RHD: variants seen among roughly 807,000 people sequenced by gnomAD.
The protein encoded by RHD is blood group Rh(D) polypeptide.
A neutral mutation model predicts 45.5 loss-of-function variants in RHD; 16 were observed. The ratio of observed to expected loss-of-function variants is 0.35; its 90% CI spans 0.24 to 0.53. RHD has a LOEUF of 0.53. Ranked by LOEUF, RHD falls within the 20% of genes least tolerant of loss-of-function variation. The pLI, the probability that RHD is intolerant of heterozygous loss-of-function variation, is 0.92. For synonymous variants in RHD, 131 were observed against 217.5 expected, an observed-to-expected ratio of 0.60 and a Z score of 3.50; for missense variants, 306 against 532.0, an observed-to-expected ratio of 0.58 and a Z score of 4.18.
intron 2 of RHD, among the ~76,000 whole-genome samples, chr1:25,285,622 G>T (rs28368215): frequency 0.02 from 2,689 of 135,124 alleles, 386 homozygotes; most frequent in African/African-American, 0.063. Flanking sequence ...GCAGGAGGTG[G>T]ATATTGATTA....
rs558113625 is a variant in RHD at position 25,289,848 on chromosome 1, T to A, written c.336-793T>A. ...ATTTTTTTTTTTTTTGGATCATAAG[T>A]ATCTTCAAGACCAAAATAATTTTCT... is the stretch of plus-strand genomic sequence containing the variant. On this transcript the variant is annotated intron_variant, in intron 2 of 9. Coordinates refer to ENST00000328664, the MANE Select transcript of RHD (RefSeq NM_016124.6). Among the ~76,000 whole-genome samples the A allele has an allele frequency of 3.8e-4, 48 of 127,300 alleles. 8 individuals carry two copies. The highest frequency in any genetic ancestry group is 7.4e-4 in the Non-Finnish European group (40 of 54,240). The allele number at this position is 127,300 out of a possible 152,430, so 83.5% of individuals were successfully genotyped here.
At chr1:25,302,483 A>C (rs1643464663) in intron 5 of RHD, among the ~76,000 whole-genome samples, 1 of 129,810 alleles carries the variant, frequency 7.7e-6, no homozygotes, top group Non-Finnish European at 1.8e-5. Context: ...CATGAGTTCC[A>C]TGGTGACAGA....
Position 25,297,346 on chromosome 1 carries a change from G to A in RHD, c.487-3600G>A, listed in dbSNP as rs548922085. ...TGCTATCAATTTGCCCCATTACTGGGTGTGTTAACTGTGATCATTGGGTTA... is the reference window on the plus strand; with the variant it reads ...TGCTATCAATTTGCCCCATTACTGGATGTGTTAACTGTGATCATTGGGTTA... On this transcript the variant is annotated intron_variant, in intron 3 of 9. Transcript: ENST00000328664. Among the ~76,000 whole-genome samples, 128 of 98,090 alleles carry A rather than the reference G, an allele frequency of 1.3e-3. 10 individuals carry two copies. Among genetic ancestry groups the A allele is most frequent in the African/African-American group, 4.1e-3 (119 of 29,268 alleles). 64.4% of individuals were successfully genotyped at this position (98,090 alleles called of 152,430 possible).
chr1:25,274,955 C>G lies in RHD; in HGVS notation c.148+2260C>G, dbSNP rs1364265077. 1.5e-5 allele frequency among the ~76,000 whole-genome samples: 2 copies of G among 131,326 alleles called. 1 individual carries two copies. The highest frequency in any genetic ancestry group is 1.5e-4 in the Admixed American group (2 of 13,484). The allele number at this position is 131,326 out of a possible 152,430, so 86.2% of individuals were successfully genotyped here. A position where few individuals can be genotyped will look rare whatever the true frequency, so the allele number is the denominator to read the frequency against. The stretch of plus-strand genomic sequence containing the variant: ...AGAGTGAGACTTCATCTCAAAAAAC[C>G]AAACAACAAAAACAACAACAAGAAC... On this transcript the variant is annotated intron_variant, in intron 1 of 9. Coordinates refer to ENST00000328664, the MANE Select transcript of RHD (RefSeq NM_016124.6).
At position 25,301,719 on chromosome 1, in the gene RHD, G is replaced by A; in HGVS notation, c.801+33G>A. The A allele has an allele frequency of 1.5e-6, 2 of 1,344,574 alleles. 1 individual carries two copies. The highest frequency in any genetic ancestry group is 2.1e-6 in the Non-Finnish European group (2 of 947,964). The allele number at this position is 1,344,574 out of a possible 1,614,324, so 83.3% of individuals were successfully genotyped here. A position where few individuals can be genotyped will look rare whatever the true frequency, so the allele number is the denominator to read the frequency against. Reference sequence around the variant, plus strand: ...GGGCGCTGCCCTTGGGCAGCACTTGGGTCTAACAGGACTAGCACACATATT... The same window carrying A: ...GGGCGCTGCCCTTGGGCAGCACTTGAGTCTAACAGGACTAGCACACATATT... On this transcript the variant is annotated intron_variant, in intron 5 of 9. Coordinates refer to ENST00000328664, the MANE Select transcript of RHD (RefSeq NM_016124.6).
chr1:25,313,110 T>G (rs941701613), intron 7 of RHD, among the ~76,000 whole-genome samples: 1 of 126,276 alleles, frequency 7.9e-6, no homozygotes, highest in African/African-American at 2.7e-5. Flanking sequence ...GTGAAGCCTT[T>G]GGGAGGTAAC....
chr1:25,307,001 C>T lies in RHD; in HGVS notation c.1073+272C>T, dbSNP rs1290967288. ...CTTTTGTGATCCCACAAACACAGAG[C>T]AGGTCAAATAGGCCCAAGCCAATTG... is the stretch of plus-strand genomic sequence containing the variant. On this transcript the variant is annotated intron_variant, in intron 7 of 9. Transcript: ENST00000328664. 1.7e-5 allele frequency: 7 copies of T among 402,750 alleles called. 1 individual carries two copies. The highest frequency in any genetic ancestry group is 3.6e-5 in the Non-Finnish European group (7 of 195,456). The allele number at this position is 402,750 out of a possible 1,614,324, so 24.9% of individuals were successfully genotyped here.
At chr1:25,303,752 C>T (rs1469558852) in intron 6 of RHD, among the ~76,000 whole-genome samples, 1 of 130,768 alleles carries the variant, frequency 7.6e-6, no homozygotes, top group East Asian at 2.0e-4. Flanking sequence ...TGTGGGGAGC[C>T]CCGAAGCCCC....
chr1:25,296,743 T>C (rs1314527152), intron 3 of RHD, among the ~76,000 whole-genome samples: 1 of 123,828 alleles, frequency 8.1e-6, no homozygotes, highest in African/African-American at 2.7e-5. Context: ...CCTCTCTCTC[T>C]TTCTCTCTCT....
At position 25,299,134 on chromosome 1, in the gene RHD, C is replaced by T. The variant is rs192683185; in HGVS notation, c.487-1812C>T. ...CAGTGGCTCATGCCTGTAATCCCAGCGCTTTGGGAGGCCAAGGCGGATGGA... is the reference window on the plus strand; with the variant it reads ...CAGTGGCTCATGCCTGTAATCCCAGTGCTTTGGGAGGCCAAGGCGGATGGA... On this transcript the variant is annotated intron_variant, in intron 3 of 9. Transcript: ENST00000328664. 2.5e-3 allele frequency among the ~76,000 whole-genome samples: 310 copies of T among 123,842 alleles called. 38 individuals carry two copies. Among genetic ancestry groups the T allele is most frequent in the African/African-American group, 8.0e-3 (289 of 36,012 alleles). 81.2% of individuals were successfully genotyped at this position (123,842 alleles called of 152,430 possible). A position where few individuals can be genotyped will look rare whatever the true frequency, so the allele number is the denominator to read the frequency against.
At chr1:25,275,890 C>T (rs1640918040) in intron 1 of RHD, among the ~76,000 whole-genome samples, 2 of 132,024 alleles carry the variant, frequency 1.5e-5, no homozygotes, top group Admixed American at 1.5e-4. Flanking sequence ...TTTCACTCTG[C>T]CTTTTCCCTT....
rs1443056447 is a variant in RHD, at chr1:25,292,750, A to G, written c.486+1959A>G. On this transcript the variant is annotated intron_variant, in intron 3 of 9. Coordinates refer to ENST00000328664, the MANE Select transcript of RHD (RefSeq NM_016124.6). The stretch of plus-strand genomic sequence containing the variant: ...GTGGAAAGGTTAGGGCTAGGGATAT[A>G]AATTTGGGAGTTGTTACAATACAGA... Among the ~76,000 whole-genome samples, 2 of 124,578 alleles carry G rather than the reference A, an allele frequency of 1.6e-5. 1 individual carries two copies. The highest frequency in any genetic ancestry group is 3.8e-5 in the Non-Finnish European group (2 of 52,660). The allele number at this position is 124,578 out of a possible 152,430, so 81.7% of individuals were successfully genotyped here.
chr1:25,292,681 T>C (rs1354312461), intron 3 of RHD, among the ~76,000 whole-genome samples: 2 of 128,106 alleles, frequency 1.6e-5, no homozygotes, highest in African/African-American at 5.3e-5. Flanking sequence ...GTATGAAACA[T>C]CCCAGTGGAG....
In RHD at chr1:25,290,141, A is replaced by G. The variant is rs1022197533; in HGVS notation, c.336-500A>G. The stretch of plus-strand genomic sequence containing the variant: ...GGAAGCCGGGCTTGTCCTGATTCCA[A>G]ATCCAGTTTCTTTCCACTGCCACGG... On this transcript the variant is annotated intron_variant, in intron 2 of 9. Coordinates refer to ENST00000328664, the MANE Select transcript of RHD (RefSeq NM_016124.6). Among the ~76,000 whole-genome samples the G allele has an allele frequency of 4.6e-5, 6 of 129,252 alleles. 1 individual carries two copies. The highest frequency in any genetic ancestry group is 9.1e-5 in the Non-Finnish European group (5 of 55,084). The allele number at this position is 129,252 out of a possible 152,430, so 84.8% of individuals were successfully genotyped here. A position where few individuals can be genotyped will look rare whatever the true frequency, so the allele number is the denominator to read the frequency against.
Position 25,301,045 on chromosome 1 carries a change from G to C in RHD, c.586G>C (p.Glu196Gln). The C allele has an allele frequency of 7.3e-7, 1 of 1,377,766 alleles. No homozygotes were observed. The highest frequency in any genetic ancestry group is 1.0e-6 in the Non-Finnish European group (1 of 978,542). The allele number at this position is 1,377,766 out of a possible 1,614,324, so 85.3% of individuals were successfully genotyped here. ...GCCAAAGCCTCTACCCGAGGGAACG[G>C]AGGATAAAGATCAGACAGCAACGAT... ...CLPKPLPEGT[E>Q]DKDQTATIPS... The change falls in exon 4 of 10, where the codon GAG becomes CAG. Residue 196 changes from glutamate (E) to glutamine (Q), a missense_variant. Physicochemically the swap from Glu to Gln is conservative, Grantham distance 29. Transcript: ENST00000328664.
At position 25,287,048 on chromosome 1, in the gene RHD, G is replaced by A. The variant is rs1389504464; in HGVS notation, c.335+2289G>A. Among the ~76,000 whole-genome samples, 4 of 135,038 alleles carry A rather than the reference G, an allele frequency of 3.0e-5. 1 individual carries two copies. The highest frequency in any genetic ancestry group is 5.3e-5 in the Non-Finnish European group (3 of 56,932). The allele number at this position is 135,038 out of a possible 152,430, so 88.6% of individuals were successfully genotyped here. On this transcript the variant is annotated intron_variant, in intron 2 of 9. Coordinates refer to ENST00000328664, the MANE Select transcript of RHD (RefSeq NM_016124.6). ...GCGGAGGCTATAGTGAGCCGAGATCGCACCATTGCACTGTAGCCTGGGCGA... is the reference window on the plus strand; with the variant it reads ...GCGGAGGCTATAGTGAGCCGAGATCACACCATTGCACTGTAGCCTGGGCGA...
rs192788583 is a variant in RHD, at chr1:25,306,340, C to G, written c.940-256C>G. Among the ~76,000 whole-genome samples the G allele has an allele frequency of 2.3e-3, 305 of 131,864 alleles. 47 individuals are homozygous for G. Among genetic ancestry groups the G allele is most frequent in the African/African-American group, 7.4e-3 (285 of 38,388 alleles). 86.5% of individuals were successfully genotyped at this position (131,864 alleles called of 152,430 possible). Reference sequence around the variant, plus strand: ...GCTACTCATAGTGTGGTCCGTAGACCAGCAGCATTGGCATCACCTGGGACC... The same window carrying G: ...GCTACTCATAGTGTGGTCCGTAGACGAGCAGCATTGGCATCACCTGGGACC... On this transcript the variant is annotated intron_variant, in intron 6 of 9. Coordinates refer to ENST00000328664, the MANE Select transcript of RHD (RefSeq NM_016124.6).
intron 7 of RHD, among the ~76,000 whole-genome samples, chr1:25,316,560 C>T (rs1179358453): frequency 2.1e-5 from 2 of 96,524 alleles, no homozygotes; most frequent in African/African-American, 6.6e-5. Flanking sequence ...TGCAGTGAGC[C>T]GACCACTGCA....
In RHD at chr1:25,279,230, G is replaced by A. The variant is rs1181612817; in HGVS notation, c.149-5343G>A. On this transcript the variant is annotated intron_variant, in intron 1 of 9. Coordinates refer to ENST00000328664, the MANE Select transcript of RHD (RefSeq NM_016124.6). ...ACACCGCTAATCAGCGGCCGGCACG[G>A]GGTAACAGTTACTAACACTCACTAC... Among the ~76,000 whole-genome samples the A allele has an allele frequency of 1.6e-5, 2 of 126,892 alleles. 1 individual carries two copies. The highest frequency in any genetic ancestry group is 3.7e-5 in the Non-Finnish European group (2 of 54,182). 83.2% of individuals were successfully genotyped at this position (126,892 alleles called of 152,430 possible).
Sources: gnomAD v4.1 joint callset for allele counts (sites outside exome capture counted in the v4.1 genomes callset) on GRCh38, gnomAD v4.1.1 for gene constraint, MANE v1.5 for transcripts, NCBI Gene and HGNC (gene_info 2026-07-23, HGNC 2026-07-21) for gene names.